Variants in ANKRD11 observed in about 807,000 individuals in gnomAD.
The protein encoded by ANKRD11 is ankyrin repeat domain-containing protein 11.
In ANKRD11, 17 loss-of-function variants were observed where a neutral mutation model predicts 195.7. The observed-to-expected ratio is 0.09, with a 90% confidence interval of 0.06 to 0.13. The LOEUF is 0.13. Among genes scored for constraint, ANKRD11 ranks in the 10% least tolerant of loss-of-function variants. The pLI is 1.00. For synonymous variants in ANKRD11, 1,953 were observed against 1,528.1 expected, an observed-to-expected ratio of 1.28 and a Z score of -6.49; for missense variants, 3,735 against 3,566.1, an observed-to-expected ratio of 1.05 and a Z score of -1.21.
intron 6 of ANKRD11, chr16:89,288,980 C>G (rs2034844266): frequency 8.3e-6 from 4 of 482,656 alleles, no homozygotes; most frequent in Non-Finnish European, 1.1e-5. Flanking sequence ...TAGTAAACAG[C>G]AGCCTCATCC....
chr16:89,287,687 A>G (rs138729752), intron 7 of ANKRD11: 1 of 158,990 alleles, frequency 6.3e-6, no homozygotes, highest in Non-Finnish European at 1.4e-5. Flanking sequence ...ATATTTTAAC[A>G]TCAAATAGGG....
At chr16:89,413,367 T>C (rs1317987849) in intron 2 of ANKRD11, among the ~76,000 whole-genome samples, 4 of 152,158 alleles carry the variant, frequency 2.6e-5, no homozygotes, top group African/African-American at 9.7e-5. Flanking sequence ...GGCTCACGCC[T>C]GTAATCCCAG....
At chr16:89,413,923 C>T (rs1343459086) in intron 2 of ANKRD11, among the ~76,000 whole-genome samples, 1 of 152,144 alleles carries the variant, frequency 6.6e-6, no homozygotes, top group Non-Finnish European at 1.5e-5. Flanking sequence ...TTCCCCTCCC[C>T]ACCTCCAACC....
chr16:89,281,926 T>G lies in ANKRD11; in HGVS notation c.4616A>C (p.Glu1539Ala), dbSNP rs751369171. 8 of 1,613,166 alleles carry G rather than the reference T, an allele frequency of 5.0e-6. No individual in the cohort carries two copies. The African/African-American group carries it at 1.1e-4, about 22-fold the overall frequency. The change falls in exon 9 of 13, where the codon GAG (glutamate) becomes GCG (alanine). Residue 1539 changes from glutamate to alanine, a missense_variant. Physicochemically the swap from Glu to Ala is moderately radical, Grantham distance 107. Transcript: ENST00000301030. This position sits in a 1 kb window ranked among gnomAD's most constrained non-coding sequence, Gnocchi z 5.5. The part of the protein sequence containing the change: ...KLKEKFKDGA[E>A]KEKGDPVKMS... ...CTTCACTGGGTCGCCCTTTTCTTTC[T>G]CTGCACCGTCCTTGAATTTCTCCTT...
intron 1 of ANKRD11, among the ~76,000 whole-genome samples, chr16:89,420,636 G>C (rs2042473450): frequency 6.6e-6 from 1 of 152,168 alleles, no homozygotes; most frequent in African/African-American, 2.4e-5. Flanking sequence ...CTTTCTGACT[G>C]ACAGACAATC....
At chr16:89,288,448 C>G (rs761907637) in intron 7 of ANKRD11, 80 bp downstream of exon 7, 4 of 1,604,814 alleles carry the variant, frequency 2.5e-6, no homozygotes, top group Non-Finnish European at 2.6e-6. Context: ...ATGGAACCGG[C>G]TAGCTACGGG....
chr16:89,332,024 T>G (rs902946818), intron 2 of ANKRD11, among the ~76,000 whole-genome samples: 2 of 152,114 alleles, frequency 1.3e-5, no homozygotes, highest in Non-Finnish European at 2.9e-5. Flanking sequence ...CAGTGGCTGA[T>G]GCCTCTAATC....
rs1300518665 is a variant in ANKRD11 at position 89,274,973 on chromosome 16, A to C, written c.7570-16T>G. The C allele has an allele frequency of 6.2e-7, 1 of 1,612,964 alleles. No homozygotes were observed. The highest frequency in any genetic ancestry group is 1.1e-5 in the South Asian group (1 of 91,070). On this transcript the variant is annotated splice_polypyrimidine_tract_variant and intron_variant, in intron 10 of 12. Transcript: ENST00000301030. ...TCAGCTTCTCCTGAAGGAGGAGAGG[A>C]GTAGAGTGAGCTGGGACACAGCCAC...
At chr16:89,414,040 C>T (rs2042201741) in intron 2 of ANKRD11, among the ~76,000 whole-genome samples, 2 of 149,404 alleles carry the variant, frequency 1.3e-5, no homozygotes, top group African/African-American at 4.9e-5. Flanking sequence ...GCACACCCTC[C>T]GCCACGGGCC....
At chr16:89,362,753 G>A (rs1486052085) in intron 2 of ANKRD11, among the ~76,000 whole-genome samples, 1 of 152,200 alleles carries the variant, frequency 6.6e-6, no homozygotes, top group Admixed American at 6.5e-5. Context: ...TATACTGGTC[G>A]AAGCAAGCAT....
chr16:89,432,950 C>A (rs1294024286), intron 1 of ANKRD11, among the ~76,000 whole-genome samples: 2 of 55,946 alleles, frequency 3.6e-5, no homozygotes, highest in South Asian at 5.2e-4. Flanking sequence ...CCCTATCTCT[C>A]TCTCTCTCTC....
chr16:89,485,750 T>C lies in ANKRD11; in HGVS notation c.-145+4495A>G, dbSNP rs142765327. Among the ~76,000 whole-genome samples, 1,088 of 152,294 alleles carry C rather than the reference T, an allele frequency of 7.1e-3. 5 individuals carry two copies. The highest frequency in any genetic ancestry group is 0.017 in the Middle Eastern group (5 of 294). On this transcript the variant is annotated intron_variant, in intron 1 of 12. Transcript: ENST00000301030. ...AAAAATCAATAGGGCACACCTCCAT[T>C]TCGTTGTCTTTCCCTCCAAAGAGAT... is the stretch of plus-strand genomic sequence containing the variant.
chr16:89,407,688 GAC>G (rs1368855405), intron 2 of ANKRD11, among the ~76,000 whole-genome samples: 3 of 150,408 alleles, frequency 2.0e-5, no homozygotes, highest in Non-Finnish European at 3.0e-5. Context: ...CACACACATA[GAC>G]ACACACAGAA....
At chr16:89,372,364 G>T (rs1264808530) in intron 2 of ANKRD11, among the ~76,000 whole-genome samples, 3 of 152,180 alleles carry the variant, frequency 2.0e-5, no homozygotes, top group Admixed American at 6.5e-5. Context: ...GGTGTGGAGA[G>T]CCCGAGTCAC....
intron 2 of ANKRD11, chr16:89,370,885 C>G (rs1326273864): frequency 6.6e-6 from 1 of 152,516 alleles, no homozygotes; most frequent in Non-Finnish European, 1.5e-5. Context: ...CCATTCACCC[C>G]ACGGCACTCA....
chr16:89,489,382 C>A (rs2057732251), intron 1 of ANKRD11, among the ~76,000 whole-genome samples: 1 of 151,652 alleles, frequency 6.6e-6, no homozygotes, highest in South Asian at 2.1e-4. Context: ...ACCGCCACCG[C>A]TTTCCTCCCA....
chr16:89,330,560 G>C lies in ANKRD11; in HGVS notation c.-59-13482C>G, dbSNP rs576456231. 2.0e-5 allele frequency among the ~76,000 whole-genome samples: 3 copies of C among 151,306 alleles called. No individual in the cohort carries two copies. In the East Asian group the frequency reaches 5.8e-4, roughly 29 times the overall value. ...AGTGCAGTCATTGATGGGGTGGTGT[G>C]GGGGGGAGCCACGGCACCTCTGTGA... On this transcript the variant is annotated intron_variant, in intron 2 of 12. Transcript: ENST00000301030.
chr16:89,457,522 CG>C (rs2152326799), intron 1 of ANKRD11, among the ~76,000 whole-genome samples: 1 of 147,122 alleles, frequency 6.8e-6, no homozygotes, highest in South Asian at 2.3e-4. Flanking sequence ...CACTTGAACC[CG>C]GGAGGCGGAG....
chr16:89,369,001 G>C (rs971990386), intron 2 of ANKRD11, among the ~76,000 whole-genome samples: 5 of 152,104 alleles, frequency 3.3e-5, no homozygotes, highest in African/African-American at 1.2e-4. Flanking sequence ...AGAGACTTGG[G>C]AGTCAACCAA....
Sources: allele counts gnomAD v4.1 joint callset (sites outside exome capture counted in the v4.1 genomes callset), GRCh38; gene constraint gnomAD v4.1.1; non-coding constraint Gnocchi (gnomAD v3.1); transcripts MANE v1.5; gene names NCBI Gene and HGNC (gene_info 2026-07-23, HGNC 2026-07-21).